The following OSMR variants were observed in gnomAD, a reference collection of about 807,000 sequenced individuals.
OSMR encodes oncostatin-M-specific receptor subunit beta.
Under a neutral mutation model 99.9 loss-of-function variants are expected in OSMR, and 81 were observed. That is an observed-to-expected ratio of 0.81 (90% CI 0.68 to 0.97). The LOEUF (loss-of-function observed/expected upper bound fraction) is 0.97. Ranked by LOEUF, OSMR falls within the 50% of genes least tolerant of loss-of-function variation. OSMR has a pLI of 0.00. For synonymous variants in OSMR, 406 were observed against 410.4 expected, an observed-to-expected ratio of 0.99 and a Z score of 0.13; for missense variants, 1,099 against 1,153.4, an observed-to-expected ratio of 0.95 and a Z score of 0.68.
rs563184668 is a variant in OSMR at position 38,884,461 on chromosome 5, T to C, written c.703+350T>C. On this transcript the variant is annotated intron_variant, in intron 5 of 17. Coordinates refer to ENST00000274276, the MANE Select transcript of OSMR (RefSeq NM_003999.3). ...GTAGGAGCTACAGATTGGACAACCATGGAGTCAGCCAGGATTGTGGCCTAG... is the reference window on the plus strand; with the variant it reads ...GTAGGAGCTACAGATTGGACAACCACGGAGTCAGCCAGGATTGTGGCCTAG... Among the ~76,000 whole-genome samples, 21 of 152,296 alleles carry C rather than the reference T, an allele frequency of 1.4e-4. No individual in the cohort carries two copies. The South Asian group carries it at 4.4e-3, about 32-fold the overall frequency.
At chr5:38,862,819 G>A (rs1561340537) in intron 1 of OSMR, among the ~76,000 whole-genome samples, 1 of 151,904 alleles carries the variant, frequency 6.6e-6, no homozygotes, top group African/African-American at 2.4e-5. Context: ...AGGCGGCTGG[G>A]AGGTGGAGGT....
chr5:38,944,084 C>T (rs1249083616), intron 1 of OSMR: 22 of 367,690 alleles, frequency 6.0e-5, no homozygotes, highest in Non-Finnish European at 3.1e-5. Flanking sequence ...TCCTAACATG[C>T]ATTAATTTAT....
At position 38,935,309 on chromosome 5, in the gene OSMR, TCAA is replaced by T. The variant is rs16351; in HGVS notation, c.*1870_*1872del. 0.65 allele frequency: 97,855 copies of T among 151,692 alleles called. 31,857 individuals are homozygous for T. Among genetic ancestry groups the T allele is most frequent in the African/African-American group, 0.74 (30,811 of 41,358 alleles). The allele number at this position is 151,692 out of a possible 1,614,324, so 9.4% of individuals were successfully genotyped here. A position where few individuals can be genotyped will look rare whatever the true frequency, so the allele number is the denominator to read the frequency against. The stretch of plus-strand genomic sequence containing the variant: ...GCCACACCTCAAAATAATGTGGCTG[TCAA>T]CAACTGGCCTAAATAAACCTACACA... On this transcript the variant is annotated 3_prime_UTR_variant, in exon 18 of 18. Coordinates refer to ENST00000274276, the MANE Select transcript of OSMR (RefSeq NM_003999.3).
At chr5:38,887,925 C>T (rs767524775) in intron 7 of OSMR, among the ~76,000 whole-genome samples, 4 of 152,114 alleles carry the variant, frequency 2.6e-5, no homozygotes, top group Non-Finnish European at 5.9e-5. Context: ...TGATACGGCT[C>T]CAATGACTGG....
intron 2 of OSMR, among the ~76,000 whole-genome samples, chr5:38,875,704 G>T (rs1742764952): frequency 6.6e-6 from 1 of 152,126 alleles, no homozygotes; most frequent in South Asian, 2.1e-4. Context: ...AGAGTTCAGT[G>T]AATTCTTGCT....
chr5:38,874,623 C>A (rs977361233), intron 2 of OSMR, among the ~76,000 whole-genome samples: 1 of 152,158 alleles, frequency 6.6e-6, no homozygotes. Context: ...TGTGTCCTGA[C>A]CATGGTAGGA....
At chr5:38,931,805 A>G in intron 15 of OSMR, 78 bp from the exon 16 acceptor site, 1 of 1,574,278 alleles carries the variant, frequency 6.4e-7, no homozygotes, top group South Asian at 1.1e-5. Flanking sequence ...AATTACTTTC[A>G]ATCATAAACT....
In OSMR at chr5:38,934,666, G is replaced by A. The variant is rs1746934542; in HGVS notation, c.*1222G>A. The A allele has an allele frequency of 6.6e-6, 1 of 151,696 alleles. No homozygotes were observed. Among genetic ancestry groups the A allele is most frequent in the South Asian group, 2.1e-4 (1 of 4,812 alleles). The allele number at this position is 151,696 out of a possible 1,614,324, so 9.4% of individuals were successfully genotyped here. A position where few individuals can be genotyped will look rare whatever the true frequency, so the allele number is the denominator to read the frequency against. ...ACTCCAGGTGCATGCTACCACACCT[G>A]ACTAGTTTTTATATTTTTAGTAGAG... On this transcript the variant is annotated 3_prime_UTR_variant, in exon 18 of 18. Transcript: ENST00000274276.
chr5:38,941,981 G>T, intron 1 of OSMR: 1 of 256,082 alleles, frequency 3.9e-6, no homozygotes. Context: ...TTGTTCCACT[G>T]TCATTATGCT....
chr5:38,938,661 G>GA (rs1177294603), downstream of OSMR: 1 of 232,490 alleles, frequency 4.3e-6, no homozygotes, highest in East Asian at 6.1e-5. Context: ...CTGGAACTTG[G>GA]AACTAAAAGA....
intron 15 of OSMR, among the ~76,000 whole-genome samples, chr5:38,928,747 T>A (rs1303837101): frequency 2.0e-5 from 3 of 152,300 alleles, no homozygotes; most frequent in African/African-American, 7.2e-5. Context: ...CACTGAAACA[T>A]GTCCCTAGGT....
intron 7 of OSMR, among the ~76,000 whole-genome samples, chr5:38,893,775 C>T (rs1157491113): frequency 1.3e-5 from 2 of 152,020 alleles, no homozygotes; most frequent in African/African-American, 4.8e-5. Context: ...AGAATAAAAC[C>T]TCTGTAATCT....
chr5:38,850,830 T>TG (rs920905418), intron 1 of OSMR, among the ~76,000 whole-genome samples: 1 of 152,202 alleles, frequency 6.6e-6, no homozygotes, highest in Non-Finnish European at 1.5e-5. Flanking sequence ...ATCTCCCTAA[T>TG]GGGGGATTTT....
At chr5:38,891,187 C>T (rs1022513086) in intron 7 of OSMR, among the ~76,000 whole-genome samples, 1 of 152,188 alleles carries the variant, frequency 6.6e-6, no homozygotes, top group Non-Finnish European at 1.5e-5. Context: ...AAACCAAGGT[C>T]AGAGTACTTG....
In OSMR at chr5:38,933,413, C is replaced by A; in HGVS notation, c.2909C>A (p.Thr970Asn). The change falls in exon 18 of 18, where the codon ACC (threonine) becomes AAC (asparagine). Residue 970 changes from threonine to asparagine, a missense_variant. Transcript: ENST00000274276. ...GAGAATAGCAGCCTCTCCTCAATTA[C>A]CCTTTTAGATCCAGGTGAACACTAC... ...PTENSSLSSI[T>N]LLDPGEHYC is the part of the protein sequence containing the mutation. The A allele has an allele frequency of 3.1e-6, 5 of 1,614,096 alleles. No individual in the cohort carries two copies. Among genetic ancestry groups the A allele is most frequent in the Non-Finnish European group, 4.2e-6 (5 of 1,179,958 alleles).
At chr5:38,902,966 C>G (rs1744991806) in intron 7 of OSMR, among the ~76,000 whole-genome samples, 1 of 152,162 alleles carries the variant, frequency 6.6e-6, no homozygotes, top group African/African-American at 2.4e-5. Flanking sequence ...TATGTGTGGC[C>G]TGTGTCTCTC....
chr5:38,870,985 T>C lies in OSMR; in HGVS notation c.73+1868T>C, dbSNP rs1009084431. Among the ~76,000 whole-genome samples the C allele has an allele frequency of 4.6e-5, 7 of 152,176 alleles. No homozygotes were observed. The East Asian group carries it at 5.8e-4, about 13-fold the overall frequency. Reference sequence around the variant, plus strand: ...TCATTATTAACAGATGAACTTGCCTTGTAGGGAGTGTCTGGTGAAGGGGAG... The same window carrying C: ...TCATTATTAACAGATGAACTTGCCTCGTAGGGAGTGTCTGGTGAAGGGGAG... On this transcript the variant is annotated intron_variant, in intron 2 of 17. Transcript: ENST00000274276.
At chr5:38,942,164 C>T (rs1202568903) in intron 1 of OSMR, 2 of 466,294 alleles carry the variant, frequency 4.3e-6, no homozygotes, top group Non-Finnish European at 7.8e-6. Flanking sequence ...TCCAACTGTT[C>T]ATGTACCAGT....
downstream of OSMR, chr5:38,945,206 T>C: frequency 4.4e-6 from 3 of 684,328 alleles, no homozygotes; most frequent in Non-Finnish European, 7.2e-6. Context: ...TCCAAAACTT[T>C]TTTCCTCATA....
Sources: allele counts gnomAD v4.1 joint callset (sites outside exome capture counted in the v4.1 genomes callset), GRCh38; gene constraint gnomAD v4.1.1; transcripts MANE v1.5; gene names NCBI Gene and HGNC (gene_info 2026-07-23, HGNC 2026-07-21).